Variants in ZFP36L1 observed in about 807,000 individuals in gnomAD.
ZFP36L1 encodes the protein ZFP36 like 1 zinc finger CCCH-type.
ZFP36L1 carries 4 observed loss-of-function variants against 16.7 expected under a neutral mutation model. The observed-to-expected ratio is 0.24, with a 90% CI of 0.12 to 0.55. The LOEUF (loss-of-function observed/expected upper bound fraction) is 0.55. Among genes scored for constraint, ZFP36L1 ranks in the 20% least tolerant of loss-of-function variants. The pLI is 0.94. For synonymous variants in ZFP36L1, 220 were observed against 190.8 expected (o/e 1.15, Z -1.26); for missense variants, 311 against 449.2 (o/e 0.69, Z 2.78).
chr14:68,796,103 G>A (rs1379551593), upstream of ZFP36L1: 8 of 1,362,534 alleles, frequency 5.9e-6, no homozygotes, highest in Non-Finnish European at 7.8e-6. Context: ...CCGGGAGGCG[G>A]TGGGCCGGCT....
intron 1 of ZFP36L1, chr14:68,790,864 C>A: frequency 1.7e-6 from 1 of 583,364 alleles, no homozygotes; most frequent in Non-Finnish European, 3.1e-6. Context: ...ATTACCGCAC[C>A]CCGCCCCCGC....
At chr14:68,793,591 G>A, upstream of ZFP36L1, 4 of 985,912 alleles carry the variant, frequency 4.1e-6, no homozygotes, top group Middle Eastern at 5.2e-4. Flanking sequence ...CCCGGGCCGC[G>A]GTTTCCATCT....
rs200758953 is a variant in ZFP36L1, at chr14:68,790,265, G to A, written c.285C>T (p.Gly95=). The change falls in exon 2 of 2, where the codon GGC becomes GGT. Residue 95 remains glycine, a synonymous_variant. Transcript: ENST00000439696. The part of the protein sequence containing the change: ...RFRDRSFSEG[G]ERLLPTQKQP... ...GCTTCTGGGTGGGCAGCAGCCGCTC[G>A]CCCCCTTCCGAGAAGGAGCGGTCTC... 15 of 1,610,308 alleles carry A rather than the reference G, an allele frequency of 9.3e-6. No homozygotes were observed. The highest frequency in any genetic ancestry group is 1.2e-5 in the Non-Finnish European group (14 of 1,179,830).
chr14:68,793,173 G>A, upstream of ZFP36L1: 1 of 1,183,086 alleles, frequency 8.5e-7, no homozygotes, highest in Non-Finnish European at 1.1e-6. Flanking sequence ...AAAAGAAGTT[G>A]ATTGACACTG....
Position 68,789,999 on chromosome 14 carries a change from G to A in ZFP36L1, c.551C>T (p.Ala184Val), listed in dbSNP as rs1895024528. 2 of 1,607,974 alleles carry A rather than the reference G, an allele frequency of 1.2e-6. No homozygotes were observed. Among genetic ancestry groups the A allele is most frequent in the Non-Finnish European group, 1.7e-6 (2 of 1,177,716 alleles). Residue 184 changes from alanine to valine, a missense_variant, in exon 2 of 2, where the codon GCC becomes GTC. Physicochemically the swap from Ala to Val is moderately conservative, Grantham distance 64. Coordinates refer to ENST00000439696, the MANE Select transcript of ZFP36L1 (RefSeq NM_004926.4). The surrounding 1 kb of genome is among the most constrained non-coding windows in gnomAD (Gnocchi z 4.5). Reference sequence around the variant, plus strand: ...GGAGAGGTCCCGGGCCCCGGCCAGGGCACGGCGCTCTTCAGCGTTGTGGAT... The same window carrying A: ...GGAGAGGTCCCGGGCCCCGGCCAGGACACGGCGCTCTTCAGCGTTGTGGAT... ...HFIHNAEERR[A>V]LAGARDLSAD...
chr14:68,793,448 C>T (rs1033461309), upstream of ZFP36L1: 5 of 994,062 alleles, frequency 5.0e-6, no homozygotes, highest in Middle Eastern at 5.2e-4. Context: ...TTGTCAGCCT[C>T]AGAGCGCGGC....
chr14:68,795,281 C>G (rs1594719996), upstream of ZFP36L1, among the ~76,000 whole-genome samples: 1 of 152,224 alleles, frequency 6.6e-6, no homozygotes, highest in East Asian at 1.9e-4. Context: ...GTTTTTTATT[C>G]CCCCGGCCTC....
upstream of ZFP36L1, chr14:68,793,950 A>G: frequency 1.0e-6 from 1 of 984,140 alleles, no homozygotes; most frequent in Non-Finnish European, 1.2e-6. Flanking sequence ...GCAAAAAAAG[A>G]CCACAACCCG....
upstream of ZFP36L1, chr14:68,793,650 C>G (rs1325536985): frequency 2.0e-6 from 2 of 985,476 alleles, no homozygotes; most frequent in Non-Finnish European, 2.4e-6. Flanking sequence ...CACAACTTAC[C>G]TTTTCCCGAC....
Position 68,789,690 on chromosome 14 carries a change from T to G in ZFP36L1, c.860A>C (p.His287Pro), listed in dbSNP as rs1263680815. 6.2e-6 allele frequency: 10 copies of G among 1,613,970 alleles called. No individual in the cohort carries two copies. The highest frequency in any genetic ancestry group is 8.5e-6 in the Non-Finnish European group (10 of 1,179,952). Residue 287 changes from histidine to proline, a missense_variant, in exon 2 of 2, where the codon CAC (histidine) becomes CCC (proline). His to Pro is a moderately conservative substitution (Grantham distance 77). Coordinates refer to ENST00000439696, the MANE Select transcript of ZFP36L1 (RefSeq NM_004926.4). This position sits in a 1 kb window ranked among gnomAD's most constrained non-coding sequence, Gnocchi z 4.5. ...AGGGCTGGGGGGAGAGTCAAACATG[T>G]GAGGGGACTCGGACATGGGCCGGAA... ...FLFRPMSESP[H>P]MFDSPPSPQD...
In ZFP36L1 at chr14:68,789,897, CCGGTGGCAGCGG is replaced by C. The variant is rs760791768; in HGVS notation, c.641_652del (p.Ala214_Thr217del). On this transcript the variant is annotated inframe_deletion, in exon 2 of 2. Coordinates refer to ENST00000439696, the MANE Select transcript of ZFP36L1 (RefSeq NM_004926.4). This position sits in a 1 kb window ranked among gnomAD's most constrained non-coding sequence, Gnocchi z 4.5. The stretch of plus-strand genomic sequence containing the variant: ...GATGGACGTGGGGCTGTCCAGCAGC[CCGGTGGCAGCGG>C]CGGTGGCAGCGGCACTGGGAAACCC... 2.0e-4 allele frequency: 330 copies of C among 1,609,804 alleles called. 2 individuals are homozygous for C. The highest frequency in any genetic ancestry group is 1.5e-3 in the South Asian group (137 of 91,074).
upstream of ZFP36L1, chr14:68,796,052 C>CT: frequency 1.5e-6 from 2 of 1,339,696 alleles, no homozygotes; most frequent in Non-Finnish European, 2.0e-6. Context: ...CCCGCGCAGT[C>CT]CCCAGGCTGG....
At chr14:68,790,619 G>A in intron 1 of ZFP36L1, 127 bp from the exon 2 acceptor site, 1 of 1,327,768 alleles carries the variant, frequency 7.5e-7, no homozygotes, top group Non-Finnish European at 1.0e-6. Context: ...CTCGGCTCTA[G>A]CAAGCTCCCT....
upstream of ZFP36L1, chr14:68,793,486 G>C (rs1895166721): frequency 8.1e-6 from 8 of 987,546 alleles, no homozygotes; most frequent in Non-Finnish European, 9.6e-6. Context: ...CACTCCCTCC[G>C]GGGTTCTTGT....
chr14:68,795,293 A>C (rs1895219245), upstream of ZFP36L1, among the ~76,000 whole-genome samples: 2 of 148,844 alleles, frequency 1.3e-5, no homozygotes, highest in African/African-American at 2.5e-5. Flanking sequence ...CCCGGCCTCC[A>C]CCCATTCCCG....
chr14:68,792,277 T>C, intron 1 of ZFP36L1, among the ~76,000 whole-genome samples: 1 of 152,118 alleles, frequency 6.6e-6, no homozygotes, highest in Non-Finnish European at 1.5e-5. Context: ...CCCCAAAGTT[T>C]GCTGCACGAT....
upstream of ZFP36L1, chr14:68,794,722 C>T (rs879342455): frequency 2.0e-5 from 3 of 152,420 alleles, no homozygotes; most frequent in Non-Finnish European, 4.4e-5. Flanking sequence ...CGCATTCTCA[C>T]CACCCCCAAC....
At chr14:68,793,511 T>A, upstream of ZFP36L1, 1 of 986,232 alleles carries the variant, frequency 1.0e-6, no homozygotes. Flanking sequence ...ATGTTGTTGT[T>A]TTTTGTTGGG....
intron 1 of ZFP36L1, 109 bp downstream of exon 1, chr14:68,792,773 T>C (rs185807292): frequency 2.1e-6 from 3 of 1,459,526 alleles, no homozygotes; most frequent in Non-Finnish European, 2.9e-6. Context: ...AAGAATCATC[T>C]CGCTGCACCA....
Sources: gnomAD v4.1 joint callset for allele counts (sites outside exome capture counted in the v4.1 genomes callset) on GRCh38, gnomAD v4.1.1 for gene constraint, Gnocchi (gnomAD v3.1) non-coding constraint, MANE v1.5 for transcripts, NCBI Gene and HGNC (gene_info 2026-07-23, HGNC 2026-07-21) for gene names.